Variants in REPS2 observed in about 807,000 individuals in gnomAD.
REPS2 encodes ralBP1-associated Eps domain-containing protein 2.
In REPS2, 23 loss-of-function variants were observed where a neutral mutation model predicts 53.6. That is an observed-to-expected ratio of 0.43 (90% CI 0.31 to 0.61). The LOEUF is 0.61. Ranked by LOEUF, REPS2 falls within the 20% of genes least tolerant of loss-of-function variation. REPS2 has a pLI of 0.11. For synonymous variants in REPS2, 238 were observed against 218.6 expected (o/e 1.09, Z -0.78); for missense variants, 446 against 534.9 (o/e 0.83, Z 1.64).
chrX:17,175,647 T>C, the REPS2 span, among the ~76,000 whole-genome samples: 1 of 112,479 alleles, frequency 8.9e-6, no homozygotes, highest in Non-Finnish European at 1.9e-5. Context: ...ACTTCTTCAT[T>C]GAATTAATTT....
the REPS2 span, among the ~76,000 whole-genome samples, chrX:17,173,118 A>C: frequency 1.8e-5 from 2 of 111,457 alleles, no homozygotes; most frequent in Non-Finnish European, 3.8e-5. Flanking sequence ...AATTACCACA[A>C]ATTCAGAGGC....
At chrX:17,161,771 G>C in the REPS2 span, among the ~76,000 whole-genome samples, 1 of 111,933 alleles carries the variant, frequency 8.9e-6, no homozygotes, top group Non-Finnish European at 1.9e-5. Flanking sequence ...CTAATACAAA[G>C]TCTGTATTCA....
In REPS2 at chrX:16,988,563, A is replaced by G. The variant is rs541475925; in HGVS notation, c.274-17658A>G. ...GCACAGGACTTGTATGCTGAAAACT[A>G]TACAATGCTGATGAAAGAAATCAAA... On this transcript the variant is annotated intron_variant, in intron 1 of 17. Coordinates refer to ENST00000357277, the MANE Select transcript of REPS2 (RefSeq NM_004726.3). 1.2e-3 allele frequency among the ~76,000 whole-genome samples: 139 copies of G among 111,694 alleles called. 2 individuals are homozygous for G. The South Asian group carries it at 0.05, about 40-fold the overall frequency.
intron 5 of REPS2, among the ~76,000 whole-genome samples, chrX:17,030,316 T>G (rs200895504): frequency 2.3e-5 from 1 of 43,523 alleles, no homozygotes; most frequent in Non-Finnish European, 5.3e-5. Flanking sequence ...CAAAGAAGGG[T>G]GTGTGTGTGT....
intron 4 of REPS2, among the ~76,000 whole-genome samples, chrX:17,026,454 G>GTTTT (rs781128245): frequency 1.2e-4 from 11 of 93,359 alleles, no homozygotes; most frequent in African/African-American, 4.3e-4. Flanking sequence ...TCAGGAGTGG[G>GTTTT]TTTTTTTTTT....
intron 6 of REPS2, among the ~76,000 whole-genome samples, chrX:17,050,137 T>C (rs113745776): frequency 0.012 from 599 of 48,865 alleles, 22 homozygotes; most frequent in East Asian, 0.037. Context: ...TTTCTTCCTT[T>C]CTTCCTTTCT....
At chrX:17,037,533 C>T (rs1167354258) in intron 5 of REPS2, among the ~76,000 whole-genome samples, 1 of 112,370 alleles carries the variant, frequency 8.9e-6, no homozygotes, top group East Asian at 2.8e-4. Context: ...CCAGGGTGGT[C>T]TTGAACTCCT....
At chrX:17,101,778 T>C (rs1389186116) in intron 13 of REPS2, among the ~76,000 whole-genome samples, 1 of 111,951 alleles carries the variant, frequency 8.9e-6, no homozygotes, top group East Asian at 2.8e-4. Context: ...CTGTCTTTTG[T>C]TGCCTGATTT....
intron 9 of REPS2, among the ~76,000 whole-genome samples, chrX:17,065,577 GTTTGTT>G (rs2062214012): frequency 9.0e-6 from 1 of 111,381 alleles, no homozygotes. Flanking sequence ...AGTTTTGTTT[GTTTGTT>G]TTTTTGTTTT....
At chrX:17,010,737 C>T (rs1478820215) in intron 2 of REPS2, among the ~76,000 whole-genome samples, 2 of 111,202 alleles carry the variant, frequency 1.8e-5, no homozygotes, top group Admixed American at 9.6e-5. Flanking sequence ...TAATCATCTG[C>T]CACTCTTTAA....
At chrX:17,192,194 G>T in the REPS2 span, among the ~76,000 whole-genome samples, 15,389 of 111,841 alleles carry the variant, frequency 0.14, 809 homozygotes, top group Admixed American at 0.18. Context: ...ATGTGTGTGC[G>T]TGTGTGTGTG....
At chrX:17,167,378 C>T in the REPS2 span, among the ~76,000 whole-genome samples, 1 of 110,952 alleles carries the variant, frequency 9.0e-6, no homozygotes, top group Admixed American at 9.7e-5. Context: ...GAAGATAGCA[C>T]TGCCTTTTTA....
At chrX:17,104,312 T>G (rs970817862) in intron 14 of REPS2, among the ~76,000 whole-genome samples, 2 of 112,103 alleles carry the variant, frequency 1.8e-5, no homozygotes, top group Admixed American at 1.9e-4. Flanking sequence ...AAGATCTGTT[T>G]CACCCCTAAA....
At chrX:17,040,991 C>G (rs1221389425) in intron 5 of REPS2, among the ~76,000 whole-genome samples, 1 of 111,673 alleles carries the variant, frequency 9.0e-6, no homozygotes, top group Non-Finnish European at 1.9e-5. Context: ...GGAACAGCTG[C>G]TATAACAAAT....
intron 8 of REPS2, among the ~76,000 whole-genome samples, chrX:17,056,987 C>G (rs902292437): frequency 4.5e-5 from 5 of 111,599 alleles, no homozygotes; most frequent in Admixed American, 2.8e-4. Context: ...GTGTCTTGCC[C>G]TTTTCAAAGG....
rs774556038 is a variant in REPS2, at chrX:17,050,141, CCTTTCTTTCTTTCTTT to C, written c.908-2200_908-2185del. Among the ~76,000 whole-genome samples, 178 of 20,381 alleles carry C rather than the reference CCTTTCTTTCTTTCTTT, an allele frequency of 8.7e-3. 3 individuals carry two copies. The highest frequency in any genetic ancestry group is 0.027 in the African/African-American group (171 of 6,278). The allele number at this position is 20,381 out of a possible 115,157, so 17.7% of individuals were successfully genotyped here. ...TTTCTTCTTTCTTTCTTCCTTTCTT[CCTTTCTTTCTTTCTTT>C]CTTTCTTTCTTTCTTTCTTTCTTTC... is the stretch of plus-strand genomic sequence containing the variant. On this transcript the variant is annotated intron_variant, in intron 6 of 17. Transcript: ENST00000357277.
intron 8 of REPS2, among the ~76,000 whole-genome samples, chrX:17,059,171 C>T (rs1012730826): frequency 7.4e-5 from 8 of 108,014 alleles, no homozygotes; most frequent in African/African-American, 2.4e-4. Context: ...CCACCATGCC[C>T]GGCTAATTTT....
intron 1 of REPS2, among the ~76,000 whole-genome samples, chrX:16,989,263 A>C (rs950221910): frequency 9.0e-5 from 10 of 111,207 alleles, no homozygotes; most frequent in Non-Finnish European, 1.5e-4. Flanking sequence ...AAAAAAAAAA[A>C]AAACTCTTGC....
At chrX:17,098,680 C>T (rs2062741726) in intron 13 of REPS2, among the ~76,000 whole-genome samples, 2 of 110,368 alleles carry the variant, frequency 1.8e-5, no homozygotes, top group Admixed American at 1.9e-4. Flanking sequence ...CTCCTGAGAC[C>T]AAGGCTTTTG....
Sources: gnomAD v4.1 joint callset for allele counts (sites outside exome capture counted in the v4.1 genomes callset) on GRCh38, gnomAD v4.1.1 for gene constraint, MANE v1.5 for transcripts, NCBI Gene and HGNC (gene_info 2026-07-23, HGNC 2026-07-21) for gene names.